SEC24A: variants seen among roughly 807,000 people sequenced by gnomAD.
SEC24A encodes the protein protein transport protein Sec24A.
A neutral mutation model predicts 129.4 loss-of-function variants in SEC24A; 93 were observed. The ratio of observed to expected loss-of-function variants is 0.72; its 90% CI spans 0.61 to 0.85. The LOEUF (loss-of-function observed/expected upper bound fraction) is 0.85. Among genes scored for constraint, SEC24A ranks in the 40% least tolerant of loss-of-function variants. SEC24A has a pLI of 0.00. For missense variants in SEC24A, 1,264 were observed against 1,307.4 expected (o/e 0.97, Z 0.51); for synonymous variants, 460 against 467.3 (o/e 0.98, Z 0.20).
intron 3 of SEC24A, 150 bp from the exon 4 acceptor site, chr5:134,671,659 A>G: frequency 2.0e-6 from 1 of 503,818 alleles, no homozygotes; most frequent in East Asian, 3.3e-5. Context: ...GTATATGTAA[A>G]AACTTGGATT....
In SEC24A at chr5:134,714,968, C is replaced by G. The variant is rs1752434289; in HGVS notation, c.2728-56C>G. 3.9e-6 allele frequency: 6 copies of G among 1,526,990 alleles called. No homozygotes were observed. The South Asian group carries it at 5.9e-5, about 15-fold the overall frequency. 94.6% of individuals were successfully genotyped at this position (1,526,990 alleles called of 1,614,324 possible). ...TTTAACAACTGGCATTTTAAAAGTTCTGGATGTATTTTTAAAATATATTCT... is the reference window on the plus strand; with the variant it reads ...TTTAACAACTGGCATTTTAAAAGTTGTGGATGTATTTTTAAAATATATTCT... On this transcript the variant is annotated intron_variant, in intron 18 of 22. Transcript: ENST00000398844.
intron 22 of SEC24A, among the ~76,000 whole-genome samples, 188 bp from the exon 23 acceptor site, chr5:134,724,792 T>C (rs1752720421): frequency 6.6e-6 from 1 of 152,198 alleles, no homozygotes; most frequent in Non-Finnish European, 1.5e-5. Flanking sequence ...TTCTCTTAAT[T>C]CCACCATAAG....
At position 134,660,427 on chromosome 5, in the gene SEC24A, A is replaced by G. The variant is rs552031664; in HGVS notation, c.98-692A>G. 1.2e-4 allele frequency among the ~76,000 whole-genome samples: 18 copies of G among 152,262 alleles called. 1 individual carries two copies. The South Asian group carries it at 3.1e-3, about 26-fold the overall frequency. On this transcript the variant is annotated intron_variant, in intron 1 of 22. Coordinates refer to ENST00000398844, the MANE Select transcript of SEC24A (RefSeq NM_021982.3). ...TGTAATACAAATATGAAACTAGGCC[A>G]GGACATCTTGTGGCAACATTGGGCT...
At chr5:134,709,816 A>T (rs980243042) in intron 18 of SEC24A, among the ~76,000 whole-genome samples, 7 of 152,084 alleles carry the variant, frequency 4.6e-5, no homozygotes, top group African/African-American at 1.2e-4. Context: ...ACTTTTTTTT[A>T]AAAAGAAGAG....
intron 11 of SEC24A, among the ~76,000 whole-genome samples, chr5:134,692,174 A>G (rs1375394291): frequency 6.7e-6 from 1 of 150,230 alleles, no homozygotes; most frequent in Non-Finnish European, 1.5e-5. Context: ...ATCCTCCCAC[A>G]TAGCTGGGAC....
At chr5:134,685,856 G>A (rs1289433732) in intron 9 of SEC24A, among the ~76,000 whole-genome samples, 2 of 152,154 alleles carry the variant, frequency 1.3e-5, no homozygotes, top group African/African-American at 4.8e-5. Context: ...GGGCGTGGTG[G>A]CGCGTGCCTG....
Position 134,722,662 on chromosome 5 carries a change from C to G in SEC24A, c.3064-905C>G, listed in dbSNP as rs551880719. ...CCAAATGATCTGCAAGCCTAAAGTA[C>G]TTACTATATGGGCCTTTAAGAAGTT... On this transcript the variant is annotated intron_variant, in intron 21 of 22. Coordinates refer to ENST00000398844, the MANE Select transcript of SEC24A (RefSeq NM_021982.3). 2.6e-5 allele frequency among the ~76,000 whole-genome samples: 4 copies of G among 152,190 alleles called. No homozygotes were observed. The East Asian group carries it at 5.8e-4, about 22-fold the overall frequency.
At chr5:134,707,096 C>T (rs1752187170) in intron 17 of SEC24A, among the ~76,000 whole-genome samples, 1 of 152,144 alleles carries the variant, frequency 6.6e-6, no homozygotes, top group African/African-American at 2.4e-5. Context: ...TTTGGCCTAC[C>T]AAACTGTTGA....
Position 134,715,064 on chromosome 5 carries a change from G to A in SEC24A, c.2768G>A (p.Arg923His), listed in dbSNP as rs774387966. 4.5e-5 allele frequency: 73 copies of A among 1,612,602 alleles called. No homozygotes were observed. Among genetic ancestry groups the A allele is most frequent in the Non-Finnish European group, 5.7e-5 (67 of 1,179,546 alleles). The change falls in exon 19 of 23, where the codon CGC becomes CAC. Residue 923 changes from arginine to histidine, a missense_variant. Coordinates refer to ENST00000398844, the MANE Select transcript of SEC24A (RefSeq NM_021982.3). ...GGGACAAATGCACGTCTAGATGAACGCATTTTTGCTATGTGTCAAGTGAAA... is the reference window on the plus strand; with the variant it reads ...GGGACAAATGCACGTCTAGATGAACACATTTTTGCTATGTGTCAAGTGAAA... ...QTGTNARLDERIFAMCQVKNQ... is the reference protein window; with the variant it reads ...QTGTNARLDEHIFAMCQVKNQ...
chr5:134,697,633 G>A (rs1019173785), intron 14 of SEC24A, among the ~76,000 whole-genome samples: 1 of 152,118 alleles, frequency 6.6e-6, no homozygotes, highest in African/African-American at 2.4e-5. Flanking sequence ...GCGCACACCT[G>A]TGGTCCCAGC....
At chr5:134,683,953 A>G (rs1288404044) in intron 9 of SEC24A, among the ~76,000 whole-genome samples, 1 of 152,150 alleles carries the variant, frequency 6.6e-6, no homozygotes, top group Non-Finnish European at 1.5e-5. Flanking sequence ...ACCATGCCAT[A>G]ATTATCTCTT....
At chr5:134,669,146 T>C (rs1035161693) in intron 3 of SEC24A, among the ~76,000 whole-genome samples, 3 of 151,946 alleles carry the variant, frequency 2.0e-5, no homozygotes, top group African/African-American at 7.2e-5. Context: ...TCAAGTTACA[T>C]TAAATATTTA....
At position 134,648,945 on chromosome 5, in the gene SEC24A, G is replaced by A. The variant is rs1749950113; in HGVS notation, c.-132G>A. ...TGCGGCGCCATGCCTCGGGCTTAAT[G>A]CGCCCCCCCCTCTTCTCCCAGTCTT... is the stretch of plus-strand genomic sequence containing the variant. On this transcript the variant is annotated 5_prime_UTR_variant, in exon 1 of 23. An upstream start codon of the reference 5' UTR is lost. Coordinates refer to ENST00000398844, the MANE Select transcript of SEC24A (RefSeq NM_021982.3). 2 of 619,220 alleles carry A rather than the reference G, an allele frequency of 3.2e-6. No homozygotes were observed. Among genetic ancestry groups the A allele is most frequent in the Non-Finnish European group, 5.6e-6 (2 of 354,886 alleles). The allele number at this position is 619,220 out of a possible 1,614,324, so 38.4% of individuals were successfully genotyped here.
chr5:134,720,371 C>T (rs1205479922), intron 20 of SEC24A, among the ~76,000 whole-genome samples: 2 of 152,174 alleles, frequency 1.3e-5, no homozygotes, highest in East Asian at 1.9e-4. Flanking sequence ...ACCATTAAGG[C>T]TTGTGTAAAT....
rs190021613 is a variant in SEC24A at position 134,710,907 on chromosome 5, G to A, written c.2727+2019G>A. Among the ~76,000 whole-genome samples, 375 of 152,242 alleles carry A rather than the reference G, an allele frequency of 2.5e-3. 1 individual carries two copies. The highest frequency in any genetic ancestry group is 8.5e-3 in the African/African-American group (352 of 41,532). On this transcript the variant is annotated intron_variant, in intron 18 of 22. Transcript: ENST00000398844. ...TCCCAACACTTTGGGAGGCCAAGGC[G>A]GGCGGATCACTTAAGTTCAGGAGTT...
chr5:134,697,176 C>T lies in SEC24A; in HGVS notation c.2037C>T (p.Asp679=), dbSNP rs1034949570. 1 of 1,596,394 alleles carries T rather than the reference C, an allele frequency of 6.3e-7. No individual in the cohort carries two copies. The highest frequency in any genetic ancestry group is 2.2e-5 in the East Asian group (1 of 44,690). Residue 679 remains aspartate, a synonymous_variant, in exon 14 of 23, where the codon GAC becomes GAT. Transcript: ENST00000398844. ...ACTTCTATAAGAAATTAGCCTTGGA[C>T]TGTTCTGGTCAGCAAGTTGCTGTTG... ...STDFYKKLAL[D]CSGQQVAVDL...
Position 134,718,078 on chromosome 5 carries a change from A to G in SEC24A, c.2875A>G (p.Asn959Asp), listed in dbSNP as rs749726082. 46 of 1,613,620 alleles carry G rather than the reference A, an allele frequency of 2.9e-5. No homozygotes were observed. Among genetic ancestry groups the G allele is most frequent in the Non-Finnish European group, 3.8e-5 (45 of 1,179,636 alleles). ...VDNLSDEGALNISDRTIPQPP... is the reference protein window; with the variant it reads ...VDNLSDEGALDISDRTIPQPP... ...TTACTTAATTCCTCAGGGAGCACTC[A>G]ACATCAGTGATAGAACCATACCTCA... The change falls in exon 20 of 23, where the codon AAC becomes GAC. Residue 959 changes from asparagine (N) to aspartate (D), a missense_variant. Physicochemically the swap from Asn to Asp is conservative, Grantham distance 23 (BLOSUM62 1). Coordinates refer to ENST00000398844, the MANE Select transcript of SEC24A (RefSeq NM_021982.3).
chr5:134,693,816 C>T lies in SEC24A; in HGVS notation c.1869C>T (p.Ala623=), dbSNP rs1163829293. ...QSALGPALQA[A]FKLMSPTGGR... ...CCTTGGGTCCTGCACTGCAGGCTGC[C>T]TTTAAGCTGATGTCTCCAACTGGTG... Residue 623 remains alanine, a synonymous_variant, in exon 13 of 23, where the codon GCC becomes GCT. Transcript: ENST00000398844. 1 of 1,614,040 alleles carries T rather than the reference C, an allele frequency of 6.2e-7. No homozygotes were observed. Among genetic ancestry groups the T allele is most frequent in the African/African-American group, 1.3e-5 (1 of 74,914 alleles).
intron 3 of SEC24A, among the ~76,000 whole-genome samples, chr5:134,671,103 G>T (rs1336385054): frequency 6.6e-6 from 1 of 152,090 alleles, no homozygotes; most frequent in Non-Finnish European, 1.5e-5. Context: ...GGAGTGCAGT[G>T]GCACGATTTT....
Sources: gnomAD v4.1 joint callset for allele counts (sites outside exome capture counted in the v4.1 genomes callset) on GRCh38, gnomAD v4.1.1 for gene constraint, MANE v1.5 for transcripts, NCBI Gene and HGNC (gene_info 2026-07-23, HGNC 2026-07-21) for gene names.